Variants in CYP11A1 observed in about 807,000 individuals in gnomAD.
The protein encoded by CYP11A1 is cholesterol side-chain cleavage enzyme, mitochondrial.
In CYP11A1, 25 loss-of-function variants were observed where a neutral mutation model predicts 51.9. That is an observed-to-expected ratio of 0.48 (90% CI 0.35 to 0.67). The LOEUF is 0.67. CYP11A1 is among the 30% of genes least tolerant of loss of function. The pLI, the probability that CYP11A1 is intolerant of heterozygous loss-of-function variation, is 0.00. For synonymous variants in CYP11A1, 245 were observed against 262.1 expected (o/e 0.93, Z 0.63); for missense variants, 578 against 680.9 (o/e 0.85, Z 1.68).
At chr15:74,343,506 G>A (rs533526864) in intron 4 of CYP11A1, among the ~76,000 whole-genome samples, 1 of 152,254 alleles carries the variant, frequency 6.6e-6, no homozygotes, top group African/African-American at 2.4e-5. Context: ...GCACAGCCGT[G>A]GCTCAGACAC....
intron 5 of CYP11A1, among the ~76,000 whole-genome samples, chr15:74,340,297 G>A (rs1183759337): frequency 6.6e-6 from 1 of 152,242 alleles, no homozygotes; most frequent in Middle Eastern, 3.2e-3. Flanking sequence ...AGGGTGTGGT[G>A]TGTGTTGAAA....
At chr15:74,366,138 G>C in intron 1 of CYP11A1, 1 of 985,572 alleles carries the variant, frequency 1.0e-6, no homozygotes, top group South Asian at 4.7e-5. Flanking sequence ...GGCCACGCTA[G>C]GGCGGACCCA....
In CYP11A1 at chr15:74,343,081, G is replaced by A; in HGVS notation, c.886C>T (p.His296Tyr). Residue 296 changes from histidine (H) to tyrosine (Y), a missense_variant, in exon 5 of 9, where the codon CAC (histidine) becomes TAC (tyrosine). Coordinates refer to ENST00000268053, the MANE Select transcript of CYP11A1 (RefSeq NM_000781.3). ...CTGTAGAGGATGCCACGGTAATCGT[G>A]GTGAACACTTCCTTTCTGTCTCAAT... ...WELRQKGSVHHDYRGILYRLL... is the reference protein window; with the variant it reads ...WELRQKGSVHYDYRGILYRLL... 6.2e-7 allele frequency: 1 copy of A among 1,613,936 alleles called. No individual in the cohort carries two copies. The highest frequency in any genetic ancestry group is 8.5e-7 in the Non-Finnish European group (1 of 1,180,034).
At chr15:74,362,003 A>G (rs2060710860) in intron 1 of CYP11A1, 4 of 1,476,940 alleles carry the variant, frequency 2.7e-6, no homozygotes, top group Non-Finnish European at 3.8e-6. Context: ...GAATGGCAAG[A>G]CCAGGAAGAA....
chr15:74,350,037 G>T, intron 1 of CYP11A1: 1 of 318,558 alleles, frequency 3.1e-6, no homozygotes, highest in Non-Finnish European at 6.3e-6. Context: ...AGAAAAGTCT[G>T]AGGACCACTG....
intron 1 of CYP11A1, among the ~76,000 whole-genome samples, chr15:74,352,799 A>T (rs1255190554): frequency 6.6e-6 from 1 of 152,240 alleles, no homozygotes. Flanking sequence ...TTCATTTTAC[A>T]TATGTTAATT....
chr15:74,347,954 G>A lies in CYP11A1; in HGVS notation c.371C>T (p.Pro124Leu), dbSNP rs541943607. ...EGPNPERFLIPPWVAYHQYYQ... is the reference protein window; with the variant it reads ...EGPNPERFLILPWVAYHQYYQ... ...ATACTGGTGATAGGCGACCCAGGGC[G>A]GGATGAGGAATCGTTCTGGGTTGGG... Residue 124 changes from proline to leucine, a missense_variant, in exon 2 of 9, where the codon CCG becomes CTG. Physicochemically the swap from Pro to Leu is moderately conservative, Grantham distance 98. Transcript: ENST00000268053. 148 of 1,614,192 alleles carry A rather than the reference G, an allele frequency of 9.2e-5. No homozygotes were observed. Among genetic ancestry groups the A allele is most frequent in the Non-Finnish European group, 1.2e-4 (144 of 1,180,030 alleles).
intron 1 of CYP11A1, chr15:74,362,500 A>C: frequency 6.5e-6 from 1 of 153,996 alleles, no homozygotes; most frequent in Non-Finnish European, 1.4e-5. Context: ...GAAACATCAG[A>C]GAAAGACTGT....
chr15:74,346,147 G>C (rs2060631871), intron 2 of CYP11A1, among the ~76,000 whole-genome samples: 1 of 152,172 alleles, frequency 6.6e-6, no homozygotes, highest in South Asian at 2.1e-4. Context: ...GAGGTCAGGA[G>C]TTCGAGACCA....
chr15:74,354,698 T>G (rs1439966258), intron 1 of CYP11A1: 2 of 154,240 alleles, frequency 1.3e-5, no homozygotes, highest in African/African-American at 4.8e-5. Context: ...AAGCAGCCTC[T>G]TTTTACTCTC....
Position 74,345,377 on chromosome 15 carries a change from C to T in CYP11A1, c.426-134G>A. On this transcript the variant is annotated intron_variant, in intron 2 of 8. Coordinates refer to ENST00000268053, the MANE Select transcript of CYP11A1 (RefSeq NM_000781.3). The surrounding 1 kb of genome is among the most constrained non-coding windows in gnomAD (Gnocchi z 4.3). ...TCCAGCACTCCCACCAGGGCCTCTG[C>T]CCTCACCTCTCCGAGCACCCTCTGC... 4.5e-6 allele frequency: 4 copies of T among 883,362 alleles called. No homozygotes were observed. Among genetic ancestry groups the T allele is most frequent in the Non-Finnish European group, 7.4e-6 (4 of 544,062 alleles). The allele number at this position is 883,362 out of a possible 1,614,324, so 54.7% of individuals were successfully genotyped here.
Position 74,338,762 on chromosome 15 carries a change from C to G in CYP11A1, c.1243G>C (p.Val415Leu). ...CCCAGAGCATAGATGGCCACTTGCA[C>G]CAGTGTCTGGGGCAAGGTGATCAGA... Reference protein sequence around the residue: ...RDYMIPAKTLVQVAIYALGRE... With the variant: ...RDYMIPAKTLLQVAIYALGRE... The change falls in exon 8 of 9, where the codon GTG becomes CTG. Residue 415 changes from valine to leucine, a missense_variant. Transcript: ENST00000268053. 1 of 1,614,104 alleles carries G rather than the reference C, an allele frequency of 6.2e-7. No individual in the cohort carries two copies. Among genetic ancestry groups the G allele is most frequent in the Non-Finnish European group, 8.5e-7 (1 of 1,179,974 alleles).
In CYP11A1 at chr15:74,345,317, A is replaced by C. The variant is rs1206122039; in HGVS notation, c.426-74T>G. ...TGGTGAACACAGAGGGGGCTGACTC[A>C]GTTTTCCCAGGAAGCTGAGTCACAG... On this transcript the variant is annotated intron_variant, in intron 2 of 8. Coordinates refer to ENST00000268053, the MANE Select transcript of CYP11A1 (RefSeq NM_000781.3). The surrounding 1 kb of genome is among the most constrained non-coding windows in gnomAD (Gnocchi z 4.3). The C allele has an allele frequency of 4.5e-6, 7 of 1,540,720 alleles. No individual in the cohort carries two copies. The Middle Eastern group carries it at 6.9e-4, about 151-fold the overall frequency.
chr15:74,346,553 T>C (rs897209749), intron 2 of CYP11A1, among the ~76,000 whole-genome samples: 12 of 152,044 alleles, frequency 7.9e-5, no homozygotes, highest in African/African-American at 2.4e-4. Flanking sequence ...TGGTTTTTAA[T>C]ATCATGAACG....
chr15:74,338,020 G>A lies in CYP11A1; in HGVS notation c.1518C>T (p.Pro506=), dbSNP rs771059833. ...TFNLILMPEK[P]ISFTFWPFNQ... is the part of the protein sequence containing the mutation. ...TAAAGGGCCAGAAGGTGAAGGAGAT[G>A]GGCTTTTCAGGCATCAGAATGAGGT... The change falls in exon 9 of 9, where the codon CCC becomes CCT. Residue 506 remains proline (P), a synonymous_variant. Transcript: ENST00000268053. 8 of 1,614,094 alleles carry A rather than the reference G, an allele frequency of 5.0e-6. No homozygotes were observed. In the African/African-American group the frequency reaches 1.1e-4, roughly 22 times the overall value.
intron 8 of CYP11A1, 71 bp from the exon 9 acceptor site, chr15:74,338,174 C>A (rs765099996): frequency 1.7e-4 from 262 of 1,582,862 alleles, no homozygotes; most frequent in Non-Finnish European, 2.1e-4. Context: ...GCCAATTCAC[C>A]CATAGGCAGT....
chr15:74,355,797 A>C (rs2060676841), intron 1 of CYP11A1, among the ~76,000 whole-genome samples: 1 of 152,180 alleles, frequency 6.6e-6, no homozygotes, highest in Non-Finnish European at 1.5e-5. Flanking sequence ...CTCCCAAATC[A>C]GTTAGTGTTT....
chr15:74,344,549 A>G (rs1307367172), intron 3 of CYP11A1, among the ~76,000 whole-genome samples: 3 of 152,172 alleles, frequency 2.0e-5, no homozygotes. Flanking sequence ...ATCTTCATCA[A>G]GCCACAGGGC....
intron 1 of CYP11A1, among the ~76,000 whole-genome samples, chr15:74,349,126 A>G (rs905936114): frequency 2.0e-5 from 3 of 152,202 alleles, no homozygotes; most frequent in Non-Finnish European, 4.4e-5. Context: ...AAAAGATAGC[A>G]TCTAACTCCA....
Sources: gnomAD v4.1 joint callset for allele counts (sites outside exome capture counted in the v4.1 genomes callset) on GRCh38, gnomAD v4.1.1 for gene constraint, Gnocchi (gnomAD v3.1) non-coding constraint, MANE v1.5 for transcripts, NCBI Gene and HGNC (gene_info 2026-07-23, HGNC 2026-07-21) for gene names.